FARP2: variants seen among roughly 807,000 people sequenced by gnomAD.
FARP2 encodes the protein FERM, ARH/RhoGEF and pleckstrin domain protein 2.
In FARP2, 111 loss-of-function variants were observed where a neutral mutation model predicts 130.5. The ratio of observed to expected loss-of-function variants is 0.85; its 90% CI spans 0.73 to 1.00. The LOEUF (loss-of-function observed/expected upper bound fraction) is 1.00, where lower values mean the gene tolerates loss of function less well. Among genes scored for constraint, FARP2 ranks in the 50% least tolerant of loss-of-function variants. The pLI, the probability that FARP2 is intolerant of heterozygous loss-of-function variation, is 0.00. For synonymous variants in FARP2, 504 were observed against 516.9 expected, an observed-to-expected ratio of 0.98 and a Z score of 0.34; for missense variants, 1,385 against 1,346.3, an observed-to-expected ratio of 1.03 and a Z score of -0.45.
chr2:241,463,326 T>C lies in FARP2; in HGVS notation c.1678-9T>C, dbSNP rs1181159308. On this transcript the variant is annotated splice_polypyrimidine_tract_variant and intron_variant, in intron 15 of 26. Transcript: ENST00000264042. ...CCACACCTCCCATCACACCACACTC[T>C]TCCCACAGTGGTTCCGCAGCGCAGT... 3.7e-6 allele frequency: 6 copies of C among 1,613,398 alleles called. No individual in the cohort carries two copies. In the South Asian group the frequency reaches 6.6e-5, roughly 18 times the overall value.
chr2:241,448,650 G>A (rs1365346246), intron 13 of FARP2, among the ~76,000 whole-genome samples: 1 of 152,230 alleles, frequency 6.6e-6, no homozygotes, highest in Non-Finnish European at 1.5e-5. Flanking sequence ...ATGGCCCAAA[G>A]CACAACTTGC....
Position 241,463,990 on chromosome 2 carries a change from A to G in FARP2, c.1893+10A>G, listed in dbSNP as rs1423640840. ...CATGCGCCAGTTAAAGGTAGGCTGCATGGTGACTACTGCCTACATGAATGC... is the reference window on the plus strand; with the variant it reads ...CATGCGCCAGTTAAAGGTAGGCTGCGTGGTGACTACTGCCTACATGAATGC... On this transcript the variant is annotated intron_variant, in intron 17 of 26. Transcript: ENST00000264042. 15 of 1,610,536 alleles carry G rather than the reference A, an allele frequency of 9.3e-6. No individual in the cohort carries two copies. The highest frequency in any genetic ancestry group is 2.7e-5 in the African/African-American group (2 of 74,886).
chr2:241,440,513 C>G (rs1244662301), intron 12 of FARP2, among the ~76,000 whole-genome samples: 2 of 152,154 alleles, frequency 1.3e-5, no homozygotes, highest in African/African-American at 4.8e-5. Flanking sequence ...CTCCCTCAGA[C>G]TTGTGGCCAC....
Position 241,415,784 on chromosome 2 carries a change from G to A in FARP2, c.624-2178G>A, listed in dbSNP as rs1031453782. Among the ~76,000 whole-genome samples, 5 of 152,240 alleles carry A rather than the reference G, an allele frequency of 3.3e-5. No homozygotes were observed. The East Asian group carries it at 9.6e-4, about 29-fold the overall frequency. ...ACAGCCTCTTGTGTGGAGACTACAG[G>A]CCTGGGGAGGTAGGCACAGGAGCAG... On this transcript the variant is annotated intron_variant, in intron 7 of 26. Transcript: ENST00000264042.
chr2:241,374,725 T>G lies in FARP2; in HGVS notation c.183+1435T>G, dbSNP rs1335620286. On this transcript the variant is annotated intron_variant, in intron 2 of 26. Coordinates refer to ENST00000264042, the MANE Select transcript of FARP2 (RefSeq NM_014808.4). ...AACCTGGGTGCTTTTCTGAAGTGCT[T>G]ATCTGAGGAGGAAGTGAAAGATAAT... Among the ~76,000 whole-genome samples the G allele has an allele frequency of 3.9e-5, 6 of 152,290 alleles. No individual in the cohort carries two copies. In the South Asian group the frequency reaches 8.3e-4, roughly 21 times the overall value.
rs1559786201 is a variant in FARP2, at chr2:241,453,768, G to GTTTTTTTTTTTTTTTTTTTTT, written c.1412-2979_1412-2978insTTTTTTTTTTTTTTTTTTTTT. ...TTGTTTACTGGGAGTGGCACTTACTGGTTTTTTTTTTTTTTTTTTTTTTTT... is the reference window on the plus strand; with the variant it reads ...TTGTTTACTGGGAGTGGCACTTACTGTTTTTTTTTTTTTTTTTTTTTGTTTTTTTTTTTTTTTTTTTTTTTT... On this transcript the variant is annotated intron_variant, in intron 13 of 26. Transcript: ENST00000264042. Among the ~76,000 whole-genome samples, 4 of 99,896 alleles carry GTTTTTTTTTTTTTTTTTTTTT rather than the reference G, an allele frequency of 4.0e-5. 1 individual carries two copies. The highest frequency in any genetic ancestry group is 4.0e-5 in the African/African-American group (1 of 25,058). The allele number at this position is 99,896 out of a possible 152,430, so 65.5% of individuals were successfully genotyped here.
At chr2:241,460,490 C>T (rs1481265873) in intron 14 of FARP2, among the ~76,000 whole-genome samples, 1 of 151,552 alleles carries the variant, frequency 6.6e-6, no homozygotes, top group African/African-American at 2.4e-5. Context: ...GTTGCCCAGG[C>T]TGGTCTCAAA....
chr2:241,457,840 T>C (rs1380178275), intron 14 of FARP2, among the ~76,000 whole-genome samples: 1 of 152,064 alleles, frequency 6.6e-6, no homozygotes, highest in Non-Finnish European at 1.5e-5. Flanking sequence ...CCCGTGTCGA[T>C]GTTGGAGACA....
At chr2:241,449,889 C>G (rs1001567112) in intron 13 of FARP2, among the ~76,000 whole-genome samples, 2 of 151,966 alleles carry the variant, frequency 1.3e-5, no homozygotes, top group African/African-American at 4.8e-5. Context: ...TGCCTGTAAT[C>G]CCAGCTATTC....
intron 2 of FARP2, among the ~76,000 whole-genome samples, chr2:241,397,831 CTT>C (rs397868255): frequency 5.5e-4 from 67 of 122,618 alleles, no homozygotes; most frequent in Non-Finnish European, 7.2e-4. Flanking sequence ...ACCTTTTTTC[CTT>C]TTTTTTTTTT....
chr2:241,359,460 A>G (rs989602260), intron 1 of FARP2, among the ~76,000 whole-genome samples: 1 of 152,162 alleles, frequency 6.6e-6, no homozygotes, highest in African/African-American at 2.4e-5. Context: ...CTCGCGCAGC[A>G]CAACCCCAGG....
chr2:241,491,181 T>G lies in FARP2; in HGVS notation c.2623+2T>G, dbSNP rs1380783575. ...GCACTGTGTGCACTCGTCCCCCCAG[T>G]GAGTGCTGGCCACAACCCCCCAGGA... On this transcript the variant is annotated splice_donor_variant, in intron 23 of 26. Transcript: ENST00000264042. LOFTEE classifies it high-confidence loss of function. 1 of 1,602,366 alleles carries G rather than the reference T, an allele frequency of 6.2e-7. No homozygotes were observed. Among genetic ancestry groups the G allele is most frequent in the Non-Finnish European group, 8.5e-7 (1 of 1,170,054 alleles).
intron 13 of FARP2, among the ~76,000 whole-genome samples, chr2:241,451,492 G>C (rs1372333094): frequency 1.3e-5 from 2 of 152,176 alleles, no homozygotes; most frequent in African/African-American, 4.8e-5. Context: ...CAGTCCTTGA[G>C]GATATAGTGA....
At chr2:241,424,610 A>T (rs1285736538) in intron 8 of FARP2, among the ~76,000 whole-genome samples, 1 of 152,232 alleles carries the variant, frequency 6.6e-6, no homozygotes, top group Non-Finnish European at 1.5e-5. Context: ...AGCCAAGATC[A>T]GAGCTGAACT....
Position 241,491,381 on chromosome 2 carries a change from C to T in FARP2, c.2624-135C>T, listed in dbSNP as rs543743398. Reference sequence around the variant, plus strand: ...TGGCAGAAGCACCTGTAGTTTTGCTCTCAGCCAGCAGCTGGCCTAGCACCA... The same window carrying T: ...TGGCAGAAGCACCTGTAGTTTTGCTTTCAGCCAGCAGCTGGCCTAGCACCA... On this transcript the variant is annotated intron_variant, in intron 23 of 26. Coordinates refer to ENST00000264042, the MANE Select transcript of FARP2 (RefSeq NM_014808.4). 13 of 1,028,770 alleles carry T rather than the reference C, an allele frequency of 1.3e-5. No homozygotes were observed. The South Asian group carries it at 1.7e-4, about 13-fold the overall frequency. 63.7% of individuals were successfully genotyped at this position (1,028,770 alleles called of 1,614,324 possible).
At chr2:241,380,766 G>T (rs2022838761) in intron 2 of FARP2, among the ~76,000 whole-genome samples, 2 of 151,798 alleles carry the variant, frequency 1.3e-5, no homozygotes, top group South Asian at 4.1e-4. Flanking sequence ...CCTCTGAATT[G>T]CCACTACCCT....
intron 1 of FARP2, among the ~76,000 whole-genome samples, chr2:241,363,637 AG>A (rs2061240759): frequency 6.6e-6 from 1 of 152,272 alleles, no homozygotes; most frequent in Non-Finnish European, 1.5e-5. Context: ...ATCGCCTGGA[AG>A]GCAGGCTGGC....
chr2:241,448,271 G>A (rs2063558266), intron 13 of FARP2, among the ~76,000 whole-genome samples: 1 of 152,268 alleles, frequency 6.6e-6, no homozygotes, highest in South Asian at 2.1e-4. Flanking sequence ...CGCTGCCTAA[G>A]GATGAAGTGG....
intron 14 of FARP2, among the ~76,000 whole-genome samples, chr2:241,457,307 C>G (rs2063876514): frequency 6.6e-6 from 1 of 151,758 alleles, no homozygotes. Context: ...TTTCTTCTCT[C>G]CCTGCTTGGT....
Sources: allele counts gnomAD v4.1 joint callset (sites outside exome capture counted in the v4.1 genomes callset), GRCh38; gene constraint gnomAD v4.1.1; transcripts MANE v1.5; gene names NCBI Gene and HGNC (gene_info 2026-07-23, HGNC 2026-07-21).